The following MAF variants were observed in gnomAD, a reference collection of about 807,000 sequenced individuals.
The protein encoded by MAF is MAF bZIP transcription factor, also known as transcription factor Maf.
In MAF, 10 loss-of-function variants were observed where a neutral mutation model predicts 22.0. The ratio of observed to expected loss-of-function variants is 0.45; its 90% CI spans 0.28 to 0.77. The LOEUF (loss-of-function observed/expected upper bound fraction) is 0.77. Among genes scored for constraint, MAF ranks in the 30% least tolerant of loss-of-function variants. The probability of loss-of-function intolerance (pLI) is 0.12; values close to 1 mark genes in which losing one functional copy is unlikely to be tolerated. For synonymous variants in MAF, 337 were observed against 255.8 expected (o/e 1.32, Z -3.03); for missense variants, 544 against 548.4 (o/e 0.99, Z 0.08).
chr16:79,209,248 G>C, the MAF span, among the ~76,000 whole-genome samples: 4 of 152,332 alleles, frequency 2.6e-5, no homozygotes, highest in Non-Finnish European at 5.9e-5. Context: ...GGAAAAGGTA[G>C]GTCCCCAGCT....
the MAF span, among the ~76,000 whole-genome samples, chr16:79,542,264 C>A: frequency 6.6e-6 from 1 of 152,166 alleles, no homozygotes; most frequent in Non-Finnish European, 1.5e-5. Flanking sequence ...AGCCTCCGGG[C>A]AGGAACGCAA....
chr16:79,349,906 T>A, the MAF span, among the ~76,000 whole-genome samples: 1 of 152,302 alleles, frequency 6.6e-6, no homozygotes, highest in African/African-American at 2.4e-5. Flanking sequence ...TATGCTCCAC[T>A]CATACTGAAC....
At chr16:79,396,721 C>T in the MAF span, among the ~76,000 whole-genome samples, 921 of 152,304 alleles carry the variant, frequency 6.0e-3, 2 homozygotes, top group Non-Finnish European at 9.4e-3. Context: ...ACTGGAGCAT[C>T]TTTCAAACAC....
chr16:79,439,958 C>A, the MAF span, among the ~76,000 whole-genome samples: 3 of 152,166 alleles, frequency 2.0e-5, no homozygotes, highest in African/African-American at 7.2e-5. Flanking sequence ...TGTTTTGATG[C>A]GAGAGGTCTT....
At chr16:79,522,424 G>C in the MAF span, among the ~76,000 whole-genome samples, 4 of 152,216 alleles carry the variant, frequency 2.6e-5, no homozygotes, top group African/African-American at 9.6e-5. Context: ...AAGGAGTTGT[G>C]TTTGCAGAGT....
the MAF span, among the ~76,000 whole-genome samples, chr16:79,416,754 C>A: frequency 6.6e-6 from 1 of 152,176 alleles, no homozygotes; most frequent in Non-Finnish European, 1.5e-5. Context: ...CAGAGAGCAT[C>A]CTATGACCTG....
chr16:79,263,108 C>T, the MAF span, among the ~76,000 whole-genome samples: 1 of 152,182 alleles, frequency 6.6e-6, no homozygotes, highest in African/African-American at 2.4e-5. Flanking sequence ...CAAGTTTTTA[C>T]CGCTTGCCAG....
At chr16:79,564,227 T>C in the MAF span, among the ~76,000 whole-genome samples, 1 of 152,336 alleles carries the variant, frequency 6.6e-6, no homozygotes, top group Non-Finnish European at 1.5e-5. Flanking sequence ...TTTTGTTTTG[T>C]TTCAGGAGAA....
chr16:79,556,720 T>A, the MAF span, among the ~76,000 whole-genome samples: 18,270 of 152,236 alleles, frequency 0.12, 1,330 homozygotes, highest in East Asian at 0.27. Flanking sequence ...CGTGGGTAAA[T>A]TAGATAATCT....
chr16:79,338,588 C>A, the MAF span, among the ~76,000 whole-genome samples: 2 of 151,476 alleles, frequency 1.3e-5, no homozygotes, highest in Non-Finnish European at 2.9e-5. Flanking sequence ...AAGCAAAATA[C>A]TTTTTAGAAA....
At chr16:79,405,966 C>T in the MAF span, among the ~76,000 whole-genome samples, 6 of 152,200 alleles carry the variant, frequency 3.9e-5, no homozygotes, top group Non-Finnish European at 8.8e-5. Flanking sequence ...TCTTTGGCTG[C>T]AGAAGCCCAC....
the MAF span, among the ~76,000 whole-genome samples, chr16:79,418,339 G>GA: frequency 1.3e-5 from 2 of 152,048 alleles, no homozygotes; most frequent in African/African-American, 4.8e-5. Flanking sequence ...CAGCCACAGA[G>GA]AAAAAAAGAG....
the MAF span, among the ~76,000 whole-genome samples, chr16:79,554,612 C>T: frequency 0.075 from 11,350 of 152,150 alleles, 533 homozygotes; most frequent in Non-Finnish European, 0.11. Context: ...TCTACTGATG[C>T]GGCCCAGTGA....
At chr16:79,270,856 C>T in the MAF span, among the ~76,000 whole-genome samples, 1 of 151,848 alleles carries the variant, frequency 6.6e-6, no homozygotes, top group Admixed American at 6.6e-5. Context: ...GACACTCATA[C>T]ACACTCTGTC....
At chr16:79,289,854 A>ATTTTTTTTTTTTTTTTTTT in the MAF span, among the ~76,000 whole-genome samples, 1 of 55,636 alleles carries the variant, frequency 1.8e-5, no homozygotes, top group African/African-American at 6.2e-5. Flanking sequence ...TTGTTTGTGT[A>ATTTTTTTTTTTTTTTTTTT]TTTTTTTTTT....
At chr16:79,241,095 A>C in the MAF span, among the ~76,000 whole-genome samples, 2 of 152,150 alleles carry the variant, frequency 1.3e-5, no homozygotes, top group Non-Finnish European at 2.9e-5. Flanking sequence ...AAATCAGCGC[A>C]AAAAGGCTGG....
the MAF span, among the ~76,000 whole-genome samples, chr16:79,377,964 T>A: frequency 6.6e-6 from 1 of 152,224 alleles, no homozygotes; most frequent in Admixed American, 6.5e-5. Flanking sequence ...GGTAGCATGA[T>A]GCCTCCAGCT....
At chr16:79,364,061 T>C in the MAF span, among the ~76,000 whole-genome samples, 1 of 152,166 alleles carries the variant, frequency 6.6e-6, no homozygotes, top group African/African-American at 2.4e-5. Flanking sequence ...GAGCTGCTAC[T>C]TTAATTTAAT....
chr16:79,284,498 T>C, the MAF span, among the ~76,000 whole-genome samples: 1 of 152,158 alleles, frequency 6.6e-6, no homozygotes, highest in African/African-American at 2.4e-5. Context: ...TGCAGACGCC[T>C]AACATAAAAG....
Sources: allele counts gnomAD v4.1 joint callset (sites outside exome capture counted in the v4.1 genomes callset), GRCh38; gene constraint gnomAD v4.1.1; transcripts MANE v1.5; gene names NCBI Gene and HGNC (gene_info 2026-07-23, HGNC 2026-07-21).